Variants in CDS2 observed in about 807,000 individuals in gnomAD.
The protein encoded by CDS2 is phosphatidate cytidylyltransferase 2.
CDS2 carries 47 observed loss-of-function variants against 59.0 expected under a neutral mutation model. The ratio of observed to expected loss-of-function variants is 0.80; its 90% CI spans 0.63 to 1.02. The LOEUF (loss-of-function observed/expected upper bound fraction) is 1.02, where lower values mean the gene tolerates loss of function less well. Ranked by LOEUF, CDS2 falls within the 50% of genes least tolerant of loss-of-function variation. CDS2 has a pLI of 0.00. For synonymous variants in CDS2, 207 were observed against 206.4 expected, an observed-to-expected ratio of 1.00 and a Z score of -0.02; for missense variants, 356 against 558.9, an observed-to-expected ratio of 0.64 and a Z score of 3.66.
rs143175887 is a variant in CDS2 at position 5,184,929 on chromosome 20, G to A, written c.743G>A (p.Arg248Gln). The A allele has an allele frequency of 4.3e-6, 7 of 1,612,250 alleles. No individual in the cohort carries two copies. The highest frequency in any genetic ancestry group is 1.1e-5 in the South Asian group (1 of 91,030). Reference protein sequence around the residue: ...MAYMFGFFFGRTPLIKLSPKK... With the variant: ...MAYMFGFFFGQTPLIKLSPKK... ...TATATGTTTGGCTTTTTCTTTGGTC[G>A]GACCCCACTCATCAAGGTAAATGGA... is the stretch of plus-strand genomic sequence containing the variant. The change falls in exon 8 of 13, where the codon CGG (arginine) becomes CAG (glutamine). Residue 248 changes from arginine (R) to glutamine (Q), a missense_variant. By Grantham distance (43) the Arg-to-Gln change is conservative. Transcript: ENST00000460006. The surrounding 1 kb of genome is among the most constrained non-coding windows in gnomAD (Gnocchi z 4.3).
chr20:5,147,600 C>A (rs577128170), intron 1 of CDS2, among the ~76,000 whole-genome samples: 2 of 152,216 alleles, frequency 1.3e-5, no homozygotes, highest in African/African-American at 4.8e-5. Context: ...TGTAGGGGCT[C>A]CCTATGTTGC....
chr20:5,160,944 T>G (rs1017276499), intron 1 of CDS2, among the ~76,000 whole-genome samples: 2 of 152,236 alleles, frequency 1.3e-5, no homozygotes, highest in African/African-American at 2.4e-5. Context: ...TTTTGTTCAT[T>G]CCTTTGTTGA....
chr20:5,136,815 G>C (rs569366543), intron 1 of CDS2, among the ~76,000 whole-genome samples: 1 of 152,068 alleles, frequency 6.6e-6, no homozygotes, highest in East Asian at 1.9e-4. Context: ...TTAGGTTCAG[G>C]GGATACATGT....
chr20:5,187,114 T>C, intron 10 of CDS2: 1 of 299,956 alleles, frequency 3.3e-6, no homozygotes, highest in Non-Finnish European at 6.6e-6. Context: ...GGTGGGGGGG[T>C]CTGTGAGGTC....
At chr20:5,160,070 G>A (rs2090865405) in intron 1 of CDS2, among the ~76,000 whole-genome samples, 1 of 152,200 alleles carries the variant, frequency 6.6e-6, no homozygotes, top group Admixed American at 6.5e-5. Flanking sequence ...CGATGATGAT[G>A]AAGCTGAGCT....
intron 1 of CDS2, among the ~76,000 whole-genome samples, chr20:5,156,668 C>T (rs1347302507): frequency 1.3e-5 from 2 of 152,200 alleles, no homozygotes; most frequent in Non-Finnish European, 2.9e-5. Context: ...TCCATTGGCT[C>T]ATGTAACTTA....
intron 1 of CDS2, among the ~76,000 whole-genome samples, chr20:5,152,092 A>C (rs928220953): frequency 3.3e-5 from 5 of 151,932 alleles, no homozygotes; most frequent in East Asian, 1.9e-4. Context: ...AAAAAAAAAA[A>C]AACAAAAAAA....
intron 3 of CDS2, 61 bp downstream of exon 3, chr20:5,175,340 C>T: frequency 7.5e-7 from 1 of 1,326,338 alleles, no homozygotes; most frequent in East Asian, 2.3e-5. Context: ...GCCCGGTTGT[C>T]TTAAGTGCGA....
At chr20:5,146,069 C>T (rs2090741152) in intron 1 of CDS2, among the ~76,000 whole-genome samples, 1 of 152,120 alleles carries the variant, frequency 6.6e-6, no homozygotes, top group Admixed American at 6.6e-5. Context: ...GTGATCCTCC[C>T]ACCTTGGCCT....
At chr20:5,148,805 C>G (rs1466956785) in intron 1 of CDS2, among the ~76,000 whole-genome samples, 1 of 152,182 alleles carries the variant, frequency 6.6e-6, no homozygotes, top group Non-Finnish European at 1.5e-5. Context: ...GGATGTCAGC[C>G]AAACACCCAG....
intron 1 of CDS2, among the ~76,000 whole-genome samples, chr20:5,142,067 C>A (rs539487520): frequency 6.6e-6 from 1 of 152,176 alleles, no homozygotes; most frequent in South Asian, 2.1e-4. Context: ...GTAATTCCAG[C>A]GCTCTAAAGG....
At chr20:5,140,133 T>C (rs1369561598) in intron 1 of CDS2, among the ~76,000 whole-genome samples, 2 of 152,216 alleles carry the variant, frequency 1.3e-5, no homozygotes, top group African/African-American at 2.4e-5. Context: ...ATGGTTTTTG[T>C]CCTTTATTCT....
At chr20:5,177,427 G>A (rs2091002595) in intron 4 of CDS2, among the ~76,000 whole-genome samples, 2 of 152,052 alleles carry the variant, frequency 1.3e-5, no homozygotes, top group African/African-American at 2.4e-5. Context: ...TCTGGGCTCC[G>A]CTGGGAAAGT....
chr20:5,132,405 G>C (rs1363485665), intron 1 of CDS2, among the ~76,000 whole-genome samples: 1 of 151,918 alleles, frequency 6.6e-6, no homozygotes, highest in African/African-American at 2.4e-5. Context: ...GCCTCTTTTT[G>C]GTTTATTTTC....
chr20:5,136,823 T>TTTGCCC, intron 1 of CDS2, among the ~76,000 whole-genome samples: 1 of 152,300 alleles, frequency 6.6e-6, no homozygotes, highest in East Asian at 1.9e-4. Context: ...AGGGGATACA[T>TTTGCCC]GTGCAGGTTT....
intron 1 of CDS2, among the ~76,000 whole-genome samples, chr20:5,129,609 A>T (rs1437614159): frequency 6.6e-6 from 1 of 151,936 alleles, no homozygotes; most frequent in Non-Finnish European, 1.5e-5. Flanking sequence ...TGCCCGGCTA[A>T]TGTTGTATTT....
In CDS2 at chr20:5,190,430, G is replaced by A. The variant is rs1478579050; in HGVS notation, c.*196G>A. 1 of 447,070 alleles carries A rather than the reference G, an allele frequency of 2.2e-6. No homozygotes were observed. The highest frequency in any genetic ancestry group is 4.0e-5 in the Admixed American group (1 of 24,890). 27.7% of individuals were successfully genotyped at this position (447,070 alleles called of 1,614,324 possible). ...TATGTGTTTAGAATTTGTGTTGTAA[G>A]TAAACTACAGCTTTGAGTTGGAAAG... On this transcript the variant is annotated 3_prime_UTR_variant, in exon 13 of 13. Transcript: ENST00000460006.
intron 1 of CDS2, among the ~76,000 whole-genome samples, chr20:5,144,257 T>C (rs2090721038): frequency 6.6e-6 from 1 of 152,226 alleles, no homozygotes; most frequent in Admixed American, 6.5e-5. Flanking sequence ...AGAACTACTT[T>C]AATGAACTGT....
chr20:5,143,396 A>G (rs897574366), intron 1 of CDS2, among the ~76,000 whole-genome samples: 3 of 152,206 alleles, frequency 2.0e-5, no homozygotes, highest in African/African-American at 7.2e-5. Context: ...CTAAAGCTAA[A>G]TATACACAGA....
Sources: allele counts gnomAD v4.1 joint callset (sites outside exome capture counted in the v4.1 genomes callset), GRCh38; gene constraint gnomAD v4.1.1; non-coding constraint Gnocchi (gnomAD v3.1); transcripts MANE v1.5; gene names NCBI Gene and HGNC (gene_info 2026-07-23, HGNC 2026-07-21).